The following TKT variants were observed in gnomAD, a reference collection of about 807,000 sequenced individuals.
TKT encodes the protein epididymis luminal protein 107.
TKT carries 47 observed loss-of-function variants against 63.9 expected under a neutral mutation model. The observed-to-expected ratio is 0.74, with a 90% confidence interval of 0.58 to 0.94. TKT has a LOEUF of 0.94. Ranked by LOEUF, TKT falls within the 40% of genes least tolerant of loss-of-function variation. The probability of loss-of-function intolerance (pLI) is 0.00; values close to 1 mark genes in which losing one functional copy is unlikely to be tolerated. For synonymous variants in TKT, 338 were observed against 334.1 expected, an observed-to-expected ratio of 1.01 and a Z score of -0.13; for missense variants, 721 against 846.2, an observed-to-expected ratio of 0.85 and a Z score of 1.84.
At chr3:53,226,912 A>C (rs1704524814) in intron 12 of TKT, 34 bp from the exon 13 acceptor site, 1 of 1,569,638 alleles carries the variant, frequency 6.4e-7, no homozygotes, top group East Asian at 2.3e-5. Flanking sequence ...GGCTGAGGGG[A>C]GGGCTGGGCA....
chr3:53,235,534 G>A (rs1704985039), intron 4 of TKT: 3 of 169,952 alleles, frequency 1.8e-5, no homozygotes, highest in African/African-American at 2.4e-5. Context: ...TGAGCCACCT[G>A]CTGCAGGGGA....
At position 53,241,911 on chromosome 3, in the gene TKT, T is replaced by C. The variant is rs868976511; in HGVS notation, c.225+214A>G. 7.0e-6 allele frequency: 4 copies of C among 570,094 alleles called. No homozygotes were observed. The East Asian group carries it at 9.0e-5, about 13-fold the overall frequency. 35.3% of individuals were successfully genotyped at this position (570,094 alleles called of 1,614,324 possible). A position where few individuals can be genotyped will look rare whatever the true frequency, so the allele number is the denominator to read the frequency against. ...GCGTTGTTTATGTACCTGGGCTCCA[T>C]GGCAGAGCAACCCATCAATTCAGTC... On this transcript the variant is annotated intron_variant, in intron 2 of 13. Transcript: ENST00000462138.
At chr3:53,232,365 C>T in intron 6 of TKT, 1 of 398,976 alleles carries the variant, frequency 2.5e-6, no homozygotes, top group Non-Finnish European at 4.4e-6. Flanking sequence ...CAAACCCCCA[C>T]TCAGAACATC....
chr3:53,246,779 A>G (rs1705524031), intron 1 of TKT, among the ~76,000 whole-genome samples: 2 of 151,628 alleles, frequency 1.3e-5, no homozygotes, highest in South Asian at 2.1e-4. Flanking sequence ...TGAACCCGGG[A>G]GGCGGAGGTT....
chr3:53,235,056 G>A lies in TKT; in HGVS notation c.556C>T (p.Arg186Cys), dbSNP rs782087174. Residue 186 changes from arginine (R) to cysteine (C), a missense_variant, in exon 5 of 14, where the codon CGC becomes TGC. Coordinates refer to ENST00000462138, the MANE Select transcript of TKT (RefSeq NM_001064.4). ...DNLVAILDINRLGQSDPAPLQ... is the reference protein window; with the variant it reads ...DNLVAILDINCLGQSDPAPLQ... ...GGGGCCGGGTCACTCTGGCCCAGGC[G>A]ATTGATGTCTAGAATGGCCACAAGG... The A allele has an allele frequency of 1.8e-5, 29 of 1,613,898 alleles. No homozygotes were observed. Among genetic ancestry groups the A allele is most frequent in the Non-Finnish European group, 2.4e-5 (28 of 1,180,040 alleles).
chr3:53,237,364 G>C (rs1175410957), intron 4 of TKT, among the ~76,000 whole-genome samples: 1 of 151,644 alleles, frequency 6.6e-6, no homozygotes, highest in Non-Finnish European at 1.5e-5. Flanking sequence ...CTCCAGCCTG[G>C]GTGACAGAGC....
chr3:53,238,265 T>C (rs1705124110), intron 4 of TKT, among the ~76,000 whole-genome samples: 1 of 152,244 alleles, frequency 6.6e-6, no homozygotes. Context: ...AGGGAATAAT[T>C]AACTCACATC....
intron 2 of TKT, chr3:53,241,858 G>T (rs782409278): frequency 1.5e-5 from 7 of 459,412 alleles, no homozygotes; most frequent in Non-Finnish European, 2.8e-5. Context: ...TGTTTCCGTA[G>T]TCCCCTACTC....
intron 1 of TKT, among the ~76,000 whole-genome samples, chr3:53,250,073 G>A (rs146052611): frequency 1.1e-3 from 168 of 152,262 alleles, no homozygotes; most frequent in African/African-American, 3.8e-3. Context: ...TTAAAACACC[G>A]ACCACCAGCC....
chr3:53,227,051 T>G (rs1406474557), intron 12 of TKT, 173 bp from the exon 13 acceptor site: 11 of 759,980 alleles, frequency 1.4e-5, no homozygotes, highest in African/African-American at 3.5e-5. Context: ...GCTGAGCTCA[T>G]GCTTGCCAAC....
intron 4 of TKT, 68 bp from the exon 5 acceptor site, chr3:53,235,242 C>G: frequency 2.1e-6 from 3 of 1,422,540 alleles, no homozygotes; most frequent in Non-Finnish European, 2.8e-6. Flanking sequence ...CCCCCCCACC[C>G]ATCCAAGGAG....
chr3:53,243,957 C>T (rs150746006), intron 1 of TKT, among the ~76,000 whole-genome samples: 5 of 152,326 alleles, frequency 3.3e-5, no homozygotes, highest in Non-Finnish European at 5.9e-5. Context: ...CACCTCGACA[C>T]CCCGGGGTGA....
intron 1 of TKT, among the ~76,000 whole-genome samples, chr3:53,245,984 C>A (rs1253667360): frequency 1.3e-5 from 2 of 152,154 alleles, no homozygotes; most frequent in Admixed American, 1.3e-4. Context: ...GAAACACAAA[C>A]AGGCCGGGCA....
chr3:53,233,479 C>T, intron 5 of TKT: 1 of 501,256 alleles, frequency 2.0e-6, no homozygotes, highest in Non-Finnish European at 3.5e-6. Context: ...CATTATTTTA[C>T]TTCCTTTTGT....
chr3:53,226,604 T>G (rs2279320), intron 13 of TKT, 152 bp downstream of exon 13: 219,920 of 1,144,998 alleles, frequency 0.19, 22,273 homozygotes, highest in South Asian at 0.29. Flanking sequence ...CCTGAGGCCT[T>G]TTAAGAGACC....
intron 1 of TKT, chr3:53,243,591 T>C (rs554820792): frequency 8.8e-5 from 40 of 456,678 alleles, no homozygotes; most frequent in South Asian, 2.5e-4. Context: ...ACTATTTCTA[T>C]GAACTCCCGG....
rs782650616 is a variant in TKT at position 53,229,070 on chromosome 3, A to C, written c.1332T>G (p.Thr444=). The change falls in exon 10 of 14, where the codon ACT becomes ACG. Residue 444 remains threonine (T), a synonymous_variant. Transcript: ENST00000462138. ...LAMFRSVPTS[T]VFYPSDGVAT... is the part of the protein sequence containing the mutation. Reference sequence around the variant, plus strand: ...CAACGCCATCACTTGGGTAAAAGACAGTTGATGTGGGGACTGACCGAAACA... The same window carrying C: ...CAACGCCATCACTTGGGTAAAAGACCGTTGATGTGGGGACTGACCGAAACA... 2.5e-6 allele frequency: 4 copies of C among 1,614,152 alleles called. No individual in the cohort carries two copies. The South Asian group carries it at 4.4e-5, about 18-fold the overall frequency.
chr3:53,247,239 C>T (rs1328377253), intron 1 of TKT, among the ~76,000 whole-genome samples: 3 of 151,084 alleles, frequency 2.0e-5, no homozygotes, highest in Non-Finnish European at 4.4e-5. Context: ...TGCCTGTAAT[C>T]CCAGCTACTT....
chr3:53,251,694 A>G (rs1222109645), intron 1 of TKT, among the ~76,000 whole-genome samples: 1 of 152,228 alleles, frequency 6.6e-6, no homozygotes, highest in African/African-American at 2.4e-5. Flanking sequence ...AAAGCTAGAC[A>G]TGGTAGCACA....
Sources: gnomAD v4.1 joint callset for allele counts (sites outside exome capture counted in the v4.1 genomes callset) on GRCh38, gnomAD v4.1.1 for gene constraint, MANE v1.5 for transcripts, NCBI Gene and HGNC (gene_info 2026-07-23, HGNC 2026-07-21) for gene names.